PDE1C: variants seen among roughly 807,000 people sequenced by gnomAD.
The protein encoded by PDE1C is dual specificity calcium/calmodulin-dependent 3',5'-cyclic nucleotide phosphodiesterase 1C.
PDE1C carries 62 observed loss-of-function variants against 93.1 expected under a neutral mutation model. The ratio of observed to expected loss-of-function variants is 0.67; its 90% CI spans 0.54 to 0.82. PDE1C has a LOEUF of 0.82. Ranked by LOEUF, PDE1C falls within the 40% of genes least tolerant of loss-of-function variation. The pLI, the probability that PDE1C is intolerant of heterozygous loss-of-function variation, is 0.00. For missense variants in PDE1C, 742 were observed against 884.6 expected, an observed-to-expected ratio of 0.84 and a Z score of 2.04; for synonymous variants, 325 against 310.1, an observed-to-expected ratio of 1.05 and a Z score of -0.50.
At chr7:31,756,341 C>T (rs998829007) in intron 17 of PDE1C, among the ~76,000 whole-genome samples, 5 of 152,044 alleles carry the variant, frequency 3.3e-5, no homozygotes, top group African/African-American at 1.2e-4. Context: ...TATATAACCC[C>T]ATTCTAAAAA....
chr7:31,824,706 T>C (rs1789443482), intron 13 of PDE1C, among the ~76,000 whole-genome samples, 161 bp downstream of exon 13: 1 of 152,078 alleles, frequency 6.6e-6, no homozygotes, highest in Non-Finnish European at 1.5e-5. Flanking sequence ...GATAATACAA[T>C]TTCAACTCCT....
At chr7:32,054,030 G>A (rs1474401025) in intron 1 of PDE1C, among the ~76,000 whole-genome samples, 1 of 151,962 alleles carries the variant, frequency 6.6e-6, no homozygotes, top group Non-Finnish European at 1.5e-5. Context: ...CCAGCAAGCA[G>A]GGACTATAAA....
At position 31,753,493 on chromosome 7, in the gene PDE1C, G is replaced by C; in HGVS notation, c.2021C>G (p.Pro674Arg). ...CTCATCAGTTTTCTTTGAGACTGAA[G>C]GTGCATAGGAGCTAGATGCGTAAGC... Reference protein sequence around the residue: ...RPAYASSSYAPSVSKKTDEHP... With the variant: ...RPAYASSSYARSVSKKTDEHP... Residue 674 changes from proline to arginine, a missense_variant, in exon 18 of 18, where the codon CCT becomes CGT. Pro to Arg is a moderately radical substitution (Grantham distance 103). This residue lies in a region of PDE1C where 454 missense variants were observed against 459.4 expected (regional missense o/e 0.99). Transcript: ENST00000396191. 6.2e-7 allele frequency: 1 copy of C among 1,612,554 alleles called. No homozygotes were observed. Among genetic ancestry groups the C allele is most frequent in the Non-Finnish European group, 8.5e-7 (1 of 1,179,704 alleles).
At chr7:32,416,794 T>C (rs1785284381) in intron 1 of PDE1C, among the ~76,000 whole-genome samples, 1 of 152,100 alleles carries the variant, frequency 6.6e-6, no homozygotes, top group African/African-American at 2.4e-5. Flanking sequence ...GTCAAGTCTG[T>C]ATGGTTAAAA....
At chr7:32,315,765 G>C (rs530368939) in intron 1 of PDE1C, among the ~76,000 whole-genome samples, 1 of 152,358 alleles carries the variant, frequency 6.6e-6, no homozygotes, top group East Asian at 1.9e-4. Flanking sequence ...GGAGGCCGAG[G>C]TGGGTGGATC....
At chr7:31,797,263 C>T (rs574223350) in intron 16 of PDE1C, among the ~76,000 whole-genome samples, 83 of 151,830 alleles carry the variant, frequency 5.5e-4, no homozygotes, top group African/African-American at 1.8e-3. Context: ...AAATAACCTA[C>T]GCAGATGCTG....
At chr7:32,067,068 G>A (rs556762318) in intron 1 of PDE1C, among the ~76,000 whole-genome samples, 1 of 152,142 alleles carries the variant, frequency 6.6e-6, no homozygotes, top group Non-Finnish European at 1.5e-5. Flanking sequence ...CTCGCTCAAG[G>A]GGCATGGGCG....
At chr7:31,750,296 G>A (rs1438651098), downstream of PDE1C, among the ~76,000 whole-genome samples, 1 of 23,430 alleles carries the variant, frequency 4.3e-5, no homozygotes, top group Non-Finnish European at 4.1e-3. Flanking sequence ...GGCCCAAGGA[G>A]GCCAAGGGCG....
intron 1 of PDE1C, among the ~76,000 whole-genome samples, chr7:32,213,250 T>C (rs1214412685): frequency 6.6e-6 from 1 of 152,166 alleles, no homozygotes; most frequent in Non-Finnish European, 1.5e-5. Context: ...TAGAAATACA[T>C]ATTACTGGCT....
At position 31,753,229 on chromosome 7, in the gene PDE1C, A is replaced by G; in HGVS notation, c.*155T>C. 1 of 909,954 alleles carries G rather than the reference A, an allele frequency of 1.1e-6. No individual in the cohort carries two copies. The highest frequency in any genetic ancestry group is 2.6e-5 in the East Asian group (1 of 38,208). The allele number at this position is 909,954 out of a possible 1,614,324, so 56.4% of individuals were successfully genotyped here. ...TACAAGAACAACAAAGAGGAAAATCACATACAACTTTCATTTCACCTTGGT... is the reference window on the plus strand; with the variant it reads ...TACAAGAACAACAAAGAGGAAAATCGCATACAACTTTCATTTCACCTTGGT... On this transcript the variant is annotated 3_prime_UTR_variant, in exon 18 of 18. Transcript: ENST00000396191.
At chr7:31,631,983 G>A in the PDE1C span, among the ~76,000 whole-genome samples, 10 of 152,188 alleles carry the variant, frequency 6.6e-5, no homozygotes, top group Non-Finnish European at 1.3e-4. Flanking sequence ...AGAGGGCCCT[G>A]CAGGTCCCAG....
chr7:31,969,355 A>G (rs1324883606), intron 2 of PDE1C, among the ~76,000 whole-genome samples: 1 of 152,262 alleles, frequency 6.6e-6, no homozygotes, highest in Non-Finnish European at 1.5e-5. Context: ...ACTTCTCAAA[A>G]GAAGACATTT....
intron 2 of PDE1C, among the ~76,000 whole-genome samples, chr7:32,206,675 A>C (rs7802649): frequency 0.21 from 31,283 of 152,128 alleles, 3,571 homozygotes; most frequent in Non-Finnish European, 0.27. Flanking sequence ...TGCGGCACCC[A>C]TGTGAGGTGC....
chr7:32,207,986 A>G (rs981865216), intron 2 of PDE1C, among the ~76,000 whole-genome samples: 5 of 152,234 alleles, frequency 3.3e-5, no homozygotes, highest in Non-Finnish European at 7.3e-5. Context: ...GAAGAAAAAA[A>G]TGGGATAAAA....
intron 2 of PDE1C, among the ~76,000 whole-genome samples, chr7:32,015,199 C>G (rs1393476161): frequency 6.6e-6 from 1 of 151,838 alleles, no homozygotes; most frequent in Non-Finnish European, 1.5e-5. Flanking sequence ...AACCTCTTCC[C>G]TTTATAAATT....
At chr7:32,179,653 A>C (rs1803255383) in intron 2 of PDE1C, among the ~76,000 whole-genome samples, 1 of 152,196 alleles carries the variant, frequency 6.6e-6, no homozygotes, top group African/African-American at 2.4e-5. Context: ...AAAGACAAGA[A>C]AGCAAGAAAA....
At chr7:32,412,169 A>G (rs1419644757) in intron 1 of PDE1C, among the ~76,000 whole-genome samples, 1 of 152,168 alleles carries the variant, frequency 6.6e-6, no homozygotes. Context: ...AGCAGACCAA[A>G]TACGGCTGGG....
intron 1 of PDE1C, among the ~76,000 whole-genome samples, chr7:32,061,655 G>A (rs936828803): frequency 2.0e-5 from 3 of 152,236 alleles, no homozygotes; most frequent in Non-Finnish European, 4.4e-5. Context: ...GGCTCCCTGG[G>A]TCATGGCCTC....
intron 1 of PDE1C, among the ~76,000 whole-genome samples, chr7:32,342,834 A>G (rs1009936904): frequency 6.6e-6 from 1 of 152,122 alleles, no homozygotes; most frequent in Non-Finnish European, 1.5e-5. Flanking sequence ...AAAAACCCCA[A>G]AGTATTAGCT....
Sources: gnomAD v4.1 joint callset for allele counts (sites outside exome capture counted in the v4.1 genomes callset) on GRCh38, gnomAD v4.1.1 for gene constraint, gnomAD v4.1.1 regional missense constraint, MANE v1.5 for transcripts, NCBI Gene and HGNC (gene_info 2026-07-23, HGNC 2026-07-21) for gene names.